The following MAPK4 variants were observed in gnomAD, a reference collection of about 807,000 sequenced individuals.
MAPK4 encodes mitogen-activated protein kinase 4, also known as Erk3-related.
In MAPK4, 22 loss-of-function variants were observed where a neutral mutation model predicts 47.7. The observed-to-expected ratio is 0.46, with a 90% CI of 0.33 to 0.66. The LOEUF is 0.66. MAPK4 is among the 30% of genes least tolerant of loss of function. The pLI is 0.02. For missense variants in MAPK4, 736 were observed against 831.7 expected (o/e 0.88, Z 1.42); for synonymous variants, 390 against 365.7 (o/e 1.07, Z -0.76).
intron 1 of MAPK4, among the ~76,000 whole-genome samples, chr18:50,566,729 T>G (rs1653809566): frequency 6.6e-6 from 1 of 152,236 alleles, no homozygotes; most frequent in African/African-American, 2.4e-5. Context: ...TATAAAAACT[T>G]CCTTTATTGC....
At chr18:50,620,350 C>T (rs1598833948) in intron 1 of MAPK4, among the ~76,000 whole-genome samples, 2 of 152,348 alleles carry the variant, frequency 1.3e-5, no homozygotes, top group South Asian at 4.1e-4. Flanking sequence ...CAGAATCTCT[C>T]AAACTTTCAG....
intron 1 of MAPK4, among the ~76,000 whole-genome samples, chr18:50,595,012 C>T (rs2042469739): frequency 6.6e-6 from 1 of 152,200 alleles, no homozygotes; most frequent in East Asian, 1.9e-4. Context: ...GGATACTATT[C>T]ACAGCCACTA....
intron 1 of MAPK4, among the ~76,000 whole-genome samples, chr18:50,589,520 C>T (rs1341135579): frequency 2.0e-5 from 3 of 147,940 alleles, no homozygotes; most frequent in African/African-American, 5.0e-5. Context: ...GGCGGGAACC[C>T]GGGAGGCGGA....
At chr18:50,575,577 A>C (rs916697324) in intron 1 of MAPK4, among the ~76,000 whole-genome samples, 3 of 152,200 alleles carry the variant, frequency 2.0e-5, no homozygotes, top group Non-Finnish European at 4.4e-5. Flanking sequence ...AGTGTAAGGC[A>C]AAGATTTCAT....
At chr18:50,630,564 T>C (rs187632704) in intron 1 of MAPK4, among the ~76,000 whole-genome samples, 1 of 152,304 alleles carries the variant, frequency 6.6e-6, no homozygotes, top group African/African-American at 2.4e-5. Context: ...AGGATATAGG[T>C]GCTGACCTGA....
At chr18:50,615,382 TG>T (rs2042676022) in intron 1 of MAPK4, among the ~76,000 whole-genome samples, 1 of 152,206 alleles carries the variant, frequency 6.6e-6, no homozygotes, top group African/African-American at 2.4e-5. Context: ...TCCACAGCCT[TG>T]GGGACCCAGG....
chr18:50,685,594 C>T (rs541900337), intron 2 of MAPK4, among the ~76,000 whole-genome samples: 2 of 152,328 alleles, frequency 1.3e-5, no homozygotes, highest in East Asian at 3.9e-4. Flanking sequence ...GATTGCTTAT[C>T]CAGCCAGGCA....
intron 2 of MAPK4, among the ~76,000 whole-genome samples, chr18:50,703,013 C>G (rs1909871830): frequency 6.6e-6 from 1 of 152,204 alleles, no homozygotes; most frequent in Admixed American, 6.5e-5. Context: ...AGAGTTTCTG[C>G]AGAAAAGATG....
At chr18:50,692,285 G>A (rs138055811) in intron 2 of MAPK4, among the ~76,000 whole-genome samples, 7 of 152,224 alleles carry the variant, frequency 4.6e-5, no homozygotes, top group Middle Eastern at 3.4e-3. Context: ...CTCTCTCCGC[G>A]CTCTGGAGGG....
chr18:50,623,311 C>T (rs917531897), intron 1 of MAPK4, among the ~76,000 whole-genome samples: 21 of 152,108 alleles, frequency 1.4e-4, no homozygotes, highest in African/African-American at 5.1e-4. Flanking sequence ...GCCAGCGGGG[C>T]TGGTTTCAAA....
chr18:50,642,752 C>A (rs954832315), intron 1 of MAPK4, among the ~76,000 whole-genome samples: 3 of 152,140 alleles, frequency 2.0e-5, no homozygotes, highest in Admixed American at 6.5e-5. Context: ...TAAAGGTAAA[C>A]AAATGAGGAA....
Position 50,688,874 on chromosome 18 carries a change from A to C in MAPK4, c.546+24370A>C, listed in dbSNP as rs1405480568. ...ATAACCAAATACCACCTGTTCTCCC[A>C]AAAACCTATGGAAATAAAAAAAAAA... On this transcript the variant is annotated intron_variant, in intron 2 of 5. Coordinates refer to ENST00000400384, the MANE Select transcript of MAPK4 (RefSeq NM_002747.4). Among the ~76,000 whole-genome samples, 10 of 144,632 alleles carry C rather than the reference A, an allele frequency of 6.9e-5. No individual in the cohort carries two copies. The East Asian group carries it at 1.4e-3, about 21-fold the overall frequency. The allele number at this position is 144,632 out of a possible 152,430, so 94.9% of individuals were successfully genotyped here.
chr18:50,598,287 T>A lies in MAPK4; in HGVS notation c.-871+38044T>A, dbSNP rs925311998. Among the ~76,000 whole-genome samples the A allele has an allele frequency of 2.0e-5, 3 of 152,140 alleles. 1 individual carries two copies. The highest frequency in any genetic ancestry group is 4.4e-5 in the Non-Finnish European group (3 of 68,014). On this transcript the variant is annotated intron_variant, in intron 1 of 5. Coordinates refer to ENST00000400384, the MANE Select transcript of MAPK4 (RefSeq NM_002747.4). The stretch of plus-strand genomic sequence containing the variant: ...TCCAGGAATTTCTAACTCGATCACA[T>A]CACTTACAACAGGAGAAGAATCCCA...
intron 4 of MAPK4, among the ~76,000 whole-genome samples, chr18:50,723,933 C>A (rs1218585146): frequency 6.6e-6 from 1 of 151,440 alleles, no homozygotes. Context: ...TGGGGACCTG[C>A]AGGAGGATCA....
At chr18:50,651,633 G>A (rs2043050273) in intron 1 of MAPK4, among the ~76,000 whole-genome samples, 1 of 152,218 alleles carries the variant, frequency 6.6e-6, no homozygotes, top group South Asian at 2.1e-4. Context: ...ACCCACAGAG[G>A]AGGGCAGCGG....
At chr18:50,637,349 A>G (rs2042897229) in intron 1 of MAPK4, among the ~76,000 whole-genome samples, 1 of 152,162 alleles carries the variant, frequency 6.6e-6, no homozygotes, top group Non-Finnish European at 1.5e-5. Context: ...TTGTGGCCCC[A>G]TTTGACACAT....
rs117179299 is a variant in MAPK4 at position 50,700,677 on chromosome 18, C to A, written c.547-14402C>A. ...CCCTCCTCAGAGCCGCACCTCCCTC[C>A]AAGTGTCTGGGACATTTGCATTCTC... is the stretch of plus-strand genomic sequence containing the variant. On this transcript the variant is annotated intron_variant, in intron 2 of 5. Transcript: ENST00000400384. Among the ~76,000 whole-genome samples, 597 of 152,340 alleles carry A rather than the reference C, an allele frequency of 3.9e-3. 14 individuals are homozygous for A. The East Asian group carries it at 0.057, about 14-fold the overall frequency.
At chr18:50,575,166 C>T (rs1176001332) in intron 1 of MAPK4, among the ~76,000 whole-genome samples, 1 of 152,188 alleles carries the variant, frequency 6.6e-6, no homozygotes, top group Non-Finnish European at 1.5e-5. Context: ...TGGTCCCTTT[C>T]TTGCCTTTCT....
chr18:50,620,901 C>A lies in MAPK4; in HGVS notation c.-870-42188C>A, dbSNP rs142036604. ...AGAGGTTATCCTTGTATTTAGATAA[C>A]TATCAACCTAATAATTATTTTATCT... On this transcript the variant is annotated intron_variant, in intron 1 of 5. Coordinates refer to ENST00000400384, the MANE Select transcript of MAPK4 (RefSeq NM_002747.4). Among the ~76,000 whole-genome samples, 20 of 152,288 alleles carry A rather than the reference C, an allele frequency of 1.3e-4. No individual in the cohort carries two copies. In the East Asian group the frequency reaches 3.9e-3, roughly 29 times the overall value.
Sources: allele counts gnomAD v4.1 joint callset (sites outside exome capture counted in the v4.1 genomes callset), GRCh38; gene constraint gnomAD v4.1.1; transcripts MANE v1.5; gene names NCBI Gene and HGNC (gene_info 2026-07-23, HGNC 2026-07-21).